KIF13B: variants seen among roughly 807,000 people sequenced by gnomAD.
KIF13B encodes the protein kinesin-like protein KIF13B.
A neutral mutation model predicts 222.0 loss-of-function variants in KIF13B; 127 were observed. The observed-to-expected ratio is 0.57, with a 90% CI of 0.50 to 0.66. The LOEUF (loss-of-function observed/expected upper bound fraction) is 0.66, where lower values mean the gene tolerates loss of function less well. Among genes scored for constraint, KIF13B ranks in the 30% least tolerant of loss-of-function variants. The probability of loss-of-function intolerance (pLI) is 0.00; values close to 1 mark genes in which losing one functional copy is unlikely to be tolerated. For synonymous variants in KIF13B, 976 were observed against 919.0 expected, an observed-to-expected ratio of 1.06 and a Z score of -1.12; for missense variants, 2,173 against 2,379.0, an observed-to-expected ratio of 0.91 and a Z score of 1.80.
chr8:29,092,962 G>A, intron 36 of KIF13B, 84 bp from the exon 37 acceptor site: 1 of 1,258,250 alleles, frequency 7.9e-7, no homozygotes, highest in Non-Finnish European at 1.1e-6. Context: ...GACATCACTT[G>A]TCAGCAAATC....
intron 1 of KIF13B, among the ~76,000 whole-genome samples, chr8:29,257,847 C>T (rs984647309): frequency 6.6e-6 from 1 of 151,976 alleles, no homozygotes; most frequent in East Asian, 1.9e-4. Context: ...AGAAACCAAC[C>T]AACAAACAAA....
intron 13 of KIF13B, among the ~76,000 whole-genome samples, chr8:29,157,534 CT>C (rs1403990282): frequency 2.6e-5 from 4 of 151,662 alleles, no homozygotes; most frequent in African/African-American, 9.7e-5. Context: ...GAAACCTTGT[CT>C]CTACTAAGAA....
rs770545452 is a variant in KIF13B at position 29,249,430 on chromosome 8, T to TAA, written c.56-3993_56-3992dup. Among the ~76,000 whole-genome samples the TAA allele has an allele frequency of 7.7e-4, 91 of 118,748 alleles. 1 individual carries two copies. The highest frequency in any genetic ancestry group is 1.9e-3 in the African/African-American group (64 of 33,062). The allele number at this position is 118,748 out of a possible 152,430, so 77.9% of individuals were successfully genotyped here. A position where few individuals can be genotyped will look rare whatever the true frequency, so the allele number is the denominator to read the frequency against. The stretch of plus-strand genomic sequence containing the variant: ...GGGCGACAGAGCAAGACTCCGTCTT[T>TAA]AAAAAAAAAAAAAAAAAAAAAAAGA... On this transcript the variant is annotated intron_variant, in intron 1 of 39. Transcript: ENST00000524189.
chr8:29,261,365 T>A (rs1587002053), intron 1 of KIF13B, among the ~76,000 whole-genome samples: 1 of 152,228 alleles, frequency 6.6e-6, no homozygotes, highest in East Asian at 1.9e-4. Context: ...GTGAAACCAA[T>A]GGGGAAAGGG....
At chr8:29,077,011 G>C (rs1318121193) in intron 37 of KIF13B, among the ~76,000 whole-genome samples, 2 of 152,168 alleles carry the variant, frequency 1.3e-5, no homozygotes, top group South Asian at 4.1e-4. Context: ...GAAGGACCAA[G>C]GAAATGAACA....
At chr8:29,150,415 G>A (rs372216655) in intron 14 of KIF13B, 32 bp from the exon 15 acceptor site, 80 of 1,053,266 alleles carry the variant, frequency 7.6e-5, no homozygotes, top group Non-Finnish European at 9.2e-5. Context: ...CGTGAATGAT[G>A]AGTACAGTAT....
chr8:29,116,764 A>G, intron 31 of KIF13B, 67 bp downstream of exon 31: 5 of 1,434,184 alleles, frequency 3.5e-6, no homozygotes, highest in Non-Finnish European at 4.7e-6. Context: ...GTTAACAGCA[A>G]GCACTGCACG....
At chr8:29,161,372 C>A (rs569439027) in intron 12 of KIF13B, among the ~76,000 whole-genome samples, 1 of 152,300 alleles carries the variant, frequency 6.6e-6, no homozygotes, top group Non-Finnish European at 1.5e-5. Flanking sequence ...TCAAACCCAG[C>A]ACTGCATGAA....
intron 2 of KIF13B, among the ~76,000 whole-genome samples, chr8:29,237,731 T>C (rs1179857198): frequency 6.6e-6 from 1 of 152,190 alleles, no homozygotes; most frequent in East Asian, 1.9e-4. Flanking sequence ...AAAATTTGTA[T>C]TTGCTGCAAT....
intron 2 of KIF13B, among the ~76,000 whole-genome samples, chr8:29,234,273 C>T (rs1328266536): frequency 6.6e-6 from 1 of 151,920 alleles, no homozygotes; most frequent in Non-Finnish European, 1.5e-5. Context: ...CCCAAGTGTC[C>T]GTCGGCCGAT....
rs1810120872 is a variant in KIF13B at position 29,126,599 on chromosome 8, A to G, written c.3223-88T>C. The G allele has an allele frequency of 9.9e-6, 8 of 805,176 alleles. No individual in the cohort carries two copies. In the East Asian group the frequency reaches 2.1e-4, roughly 21 times the overall value. 49.9% of individuals were successfully genotyped at this position (805,176 alleles called of 1,614,324 possible). On this transcript the variant is annotated intron_variant, in intron 25 of 39. Coordinates refer to ENST00000524189, the MANE Select transcript of KIF13B (RefSeq NM_015254.4). ...TAAACAATCTGACTCTTTACCCATA[A>G]TTTATATTTTCCAATTGAATTAATA...
intron 1 of KIF13B, among the ~76,000 whole-genome samples, chr8:29,261,338 A>C (rs188944181): frequency 1.7e-4 from 26 of 152,374 alleles, no homozygotes; most frequent in African/African-American, 6.3e-4. Flanking sequence ...GAAAAGCATA[A>C]GAATTTCCCT....
chr8:29,175,690 C>T (rs1395315189), intron 10 of KIF13B, among the ~76,000 whole-genome samples: 1 of 152,236 alleles, frequency 6.6e-6, no homozygotes, highest in Admixed American at 6.5e-5. Flanking sequence ...GTTAGCCCAA[C>T]AAAAGGAGTC....
intron 1 of KIF13B, among the ~76,000 whole-genome samples, chr8:29,246,502 T>A (rs894690570): frequency 1.1e-4 from 17 of 151,934 alleles, no homozygotes; most frequent in Admixed American, 8.5e-4. Context: ...GTTCATGAAT[T>A]GAAAGACAAT....
rs1166377065 is a variant in KIF13B at position 29,177,598 on chromosome 8, ATAC to A, written c.721-23_721-21del. ...AGATGTCTACAAAGGAAATCAATCA[ATAC>A]TAATCAACAGGAACACAGGGCCAGG... On this transcript the variant is annotated intron_variant, in intron 8 of 39. Coordinates refer to ENST00000524189, the MANE Select transcript of KIF13B (RefSeq NM_015254.4). 6.6e-7 allele frequency: 1 copy of A among 1,507,160 alleles called. No individual in the cohort carries two copies. The highest frequency in any genetic ancestry group is 1.7e-5 in the Admixed American group (1 of 59,902). 93.4% of individuals were successfully genotyped at this position (1,507,160 alleles called of 1,614,324 possible).
At chr8:29,168,596 C>T (rs974435045) in intron 10 of KIF13B, among the ~76,000 whole-genome samples, 1 of 152,154 alleles carries the variant, frequency 6.6e-6, no homozygotes, top group African/African-American at 2.4e-5. Context: ...AACGGGCTGC[C>T]GTGAAGTGAG....
At position 29,070,852 on chromosome 8, in the gene KIF13B, G is replaced by T; in HGVS notation, c.5219-86C>A. 1 of 1,399,076 alleles carries T rather than the reference G, an allele frequency of 7.1e-7. No individual in the cohort carries two copies. The highest frequency in any genetic ancestry group is 1.4e-5 in the African/African-American group (1 of 69,110). The allele number at this position is 1,399,076 out of a possible 1,614,324, so 86.7% of individuals were successfully genotyped here. On this transcript the variant is annotated intron_variant, in intron 39 of 39. Coordinates refer to ENST00000524189, the MANE Select transcript of KIF13B (RefSeq NM_015254.4). The surrounding 1 kb of genome is among the most constrained non-coding windows in gnomAD (Gnocchi z 4.1). ...TCCCTTACCTCTGCAGAGGCCATGTGCCCACACTGCCACCCCCCCGCACAG... is the reference window on the plus strand; with the variant it reads ...TCCCTTACCTCTGCAGAGGCCATGTTCCCACACTGCCACCCCCCCGCACAG...
At chr8:29,105,572 A>G (rs776598203) in intron 35 of KIF13B, among the ~76,000 whole-genome samples, 56 of 148,912 alleles carry the variant, frequency 3.8e-4, no homozygotes, top group Non-Finnish European at 6.2e-4. Flanking sequence ...GAGGGACAGT[A>G]CTTTTCTTTG....
At chr8:29,146,821 C>T (rs1403848320) in intron 17 of KIF13B, among the ~76,000 whole-genome samples, 1 of 152,202 alleles carries the variant, frequency 6.6e-6, no homozygotes, top group Non-Finnish European at 1.5e-5. Context: ...ACTCAAGATT[C>T]TGTCTCAGCA....
Sources: allele counts gnomAD v4.1 joint callset (sites outside exome capture counted in the v4.1 genomes callset), GRCh38; gene constraint gnomAD v4.1.1; non-coding constraint Gnocchi (gnomAD v3.1); transcripts MANE v1.5; gene names NCBI Gene and HGNC (gene_info 2026-07-23, HGNC 2026-07-21).